The following THSD7B variants were observed in gnomAD, a reference collection of about 807,000 sequenced individuals.
The protein encoded by THSD7B is thrombospondin type 1 domain containing 7B.
A neutral mutation model predicts 213.6 loss-of-function variants in THSD7B; 138 were observed. The observed-to-expected ratio is 0.65, with a 90% CI of 0.56 to 0.74. The LOEUF (loss-of-function observed/expected upper bound fraction) is 0.74, where lower values mean the gene tolerates loss of function less well. Ranked by LOEUF, THSD7B falls within the 30% of genes least tolerant of loss-of-function variation. The probability of loss-of-function intolerance (pLI) is 0.00; values close to 1 mark genes in which losing one functional copy is unlikely to be tolerated. For missense variants in THSD7B, 1,931 were observed against 1,991.5 expected (o/e 0.97, Z 0.58); for synonymous variants, 742 against 687.0 (o/e 1.08, Z -1.25).
At chr2:137,345,410 C>T (rs1684855066) in intron 12 of THSD7B, among the ~76,000 whole-genome samples, 1 of 151,624 alleles carries the variant, frequency 6.6e-6, no homozygotes, top group Non-Finnish European at 1.5e-5. Flanking sequence ...GGCAAACCCA[C>T]ACTATGCATT....
chr2:137,595,414 C>A lies in THSD7B; in HGVS notation c.3424-20761C>A, dbSNP rs138991077. Among the ~76,000 whole-genome samples, 11 of 151,988 alleles carry A rather than the reference C, an allele frequency of 7.2e-5. 1 individual carries two copies. In the South Asian group the frequency reaches 2.3e-3, roughly 32 times the overall value. On this transcript the variant is annotated intron_variant, in intron 17 of 27. Transcript: ENST00000409968. ...CATGCTTTCTATCATATTTATAGCACGTGGCTAATTAGGCAGCCCTAAAGC... is the reference window on the plus strand; with the variant it reads ...CATGCTTTCTATCATATTTATAGCAAGTGGCTAATTAGGCAGCCCTAAAGC...
At chr2:136,849,702 A>G (rs1401589904) in intron 1 of THSD7B, among the ~76,000 whole-genome samples, 1 of 152,124 alleles carries the variant, frequency 6.6e-6, no homozygotes, top group Non-Finnish European at 1.5e-5. Context: ...TGGGAGGGCT[A>G]ATGCACTCAA....
At chr2:137,079,170 A>G (rs562472265) in intron 3 of THSD7B, among the ~76,000 whole-genome samples, 8 of 152,256 alleles carry the variant, frequency 5.3e-5, no homozygotes, top group African/African-American at 1.9e-4. Flanking sequence ...TAAATCTGTA[A>G]TTGCAAATTT....
At chr2:137,655,945 G>C (rs971506018) in intron 22 of THSD7B, among the ~76,000 whole-genome samples, 7 of 152,154 alleles carry the variant, frequency 4.6e-5, no homozygotes, top group Admixed American at 4.6e-4. Flanking sequence ...GCCCCTGTGA[G>C]CAATGATTTC....
intron 2 of THSD7B, among the ~76,000 whole-genome samples, chr2:136,914,643 T>G (rs959967920): frequency 5.9e-5 from 9 of 152,206 alleles, no homozygotes; most frequent in African/African-American, 2.2e-4. Context: ...TTATCAGGGG[T>G]TTCTGCTTTT....
At chr2:137,437,162 C>A (rs534616291) in intron 14 of THSD7B, among the ~76,000 whole-genome samples, 2 of 152,170 alleles carry the variant, frequency 1.3e-5, no homozygotes, top group South Asian at 4.2e-4. Context: ...CATTCTAATC[C>A]CAGATGAAAT....
At chr2:137,611,630 A>C (rs1048012063) in intron 17 of THSD7B, among the ~76,000 whole-genome samples, 2 of 152,144 alleles carry the variant, frequency 1.3e-5, no homozygotes, top group Non-Finnish European at 1.5e-5. Context: ...ATAATATGTA[A>C]TGGCTTGAAG....
chr2:136,868,120 G>GCACACACACACACACACA (rs10671218), intron 1 of THSD7B, among the ~76,000 whole-genome samples: 1 of 149,168 alleles, frequency 6.7e-6, no homozygotes, highest in Non-Finnish European at 1.5e-5. Context: ...ACACGCGCGC[G>GCACACACACACACACACA]CACACACACA....
chr2:136,954,444 C>T (rs1423384768), intron 2 of THSD7B, among the ~76,000 whole-genome samples: 2 of 152,080 alleles, frequency 1.3e-5, no homozygotes, highest in Admixed American at 6.5e-5. Flanking sequence ...CGGCCGGGCG[C>T]GGTGGCTCAC....
intron 1 of THSD7B, among the ~76,000 whole-genome samples, chr2:136,818,482 G>A (rs984191989): frequency 2.0e-5 from 3 of 150,990 alleles, no homozygotes; most frequent in African/African-American, 7.3e-5. Flanking sequence ...CACCAGCATG[G>A]CACATGTATA....
chr2:137,575,827 T>C (rs1370617561), intron 17 of THSD7B, among the ~76,000 whole-genome samples: 1 of 151,820 alleles, frequency 6.6e-6, no homozygotes, highest in Non-Finnish European at 1.5e-5. Context: ...ACCTTCCTAA[T>C]AGTGTTTACT....
chr2:137,527,279 A>C (rs1680297522), intron 15 of THSD7B, among the ~76,000 whole-genome samples: 1 of 152,074 alleles, frequency 6.6e-6, no homozygotes, highest in African/African-American at 2.4e-5. Context: ...CCTTGTAGAA[A>C]TTGGGGTGCG....
chr2:137,617,311 A>C (rs763385560), intron 18 of THSD7B, among the ~76,000 whole-genome samples: 55 of 152,220 alleles, frequency 3.6e-4, no homozygotes, highest in Non-Finnish European at 6.8e-4. Context: ...ATCATCTACC[A>C]ATATGGAAAA....
chr2:137,127,524 G>A (rs1431776997), intron 5 of THSD7B, among the ~76,000 whole-genome samples: 3 of 152,184 alleles, frequency 2.0e-5, no homozygotes, highest in Non-Finnish European at 4.4e-5. Context: ...AGAGTTAGAT[G>A]AGTGGAATTC....
intron 2 of THSD7B, among the ~76,000 whole-genome samples, chr2:136,946,022 G>A (rs559008529): frequency 8.5e-5 from 13 of 152,272 alleles, no homozygotes; most frequent in African/African-American, 2.2e-4. Context: ...AGCTGCAGTC[G>A]TTTGGAAGAG....
At chr2:137,129,943 G>C (rs1688698502) in intron 5 of THSD7B, among the ~76,000 whole-genome samples, 1 of 152,168 alleles carries the variant, frequency 6.6e-6, no homozygotes, top group South Asian at 2.1e-4. Context: ...GAAGGTAAAA[G>C]ATAGTTTTAT....
intron 12 of THSD7B, among the ~76,000 whole-genome samples, chr2:137,317,984 T>C (rs949618795): frequency 3.3e-5 from 5 of 152,216 alleles, no homozygotes; most frequent in Non-Finnish European, 5.9e-5. Flanking sequence ...CTATTCCTGT[T>C]TGAGTTCTAA....
At chr2:136,884,654 A>G (rs1200625223) in intron 2 of THSD7B, among the ~76,000 whole-genome samples, 1 of 152,232 alleles carries the variant, frequency 6.6e-6, no homozygotes. Context: ...TGTAAGTGGA[A>G]TCATACTCTG....
intron 3 of THSD7B, among the ~76,000 whole-genome samples, chr2:137,077,288 T>G (rs937498588): frequency 2.2e-4 from 34 of 152,244 alleles, no homozygotes; most frequent in African/African-American, 6.7e-4. Context: ...ATAAACATAC[T>G]TGTGCATGTG....
Sources: allele counts gnomAD v4.1 joint callset (sites outside exome capture counted in the v4.1 genomes callset), GRCh38; gene constraint gnomAD v4.1.1; transcripts MANE v1.5; gene names NCBI Gene and HGNC (gene_info 2026-07-23, HGNC 2026-07-21).